FAM117B: variants seen among roughly 807,000 people sequenced by gnomAD.
FAM117B encodes the protein protein FAM117B.
A neutral mutation model predicts 52.8 loss-of-function variants in FAM117B; 22 were observed. The observed-to-expected ratio is 0.42, with a 90% CI of 0.30 to 0.59. FAM117B has a LOEUF of 0.59. Among genes scored for constraint, FAM117B ranks in the 20% least tolerant of loss-of-function variants. The pLI is 0.22. For missense variants in FAM117B, 678 were observed against 802.6 expected (o/e 0.84, Z 1.88); for synonymous variants, 309 against 324.1 (o/e 0.95, Z 0.50).
At chr2:202,694,622 A>C (rs1358994339) in intron 1 of FAM117B, among the ~76,000 whole-genome samples, 1 of 152,104 alleles carries the variant, frequency 6.6e-6, no homozygotes, top group East Asian at 1.9e-4. Flanking sequence ...TATAACTATT[A>C]TATTGGCAAA....
intron 4 of FAM117B, among the ~76,000 whole-genome samples, chr2:202,732,398 A>G (rs187172228): frequency 6.6e-6 from 1 of 152,374 alleles, no homozygotes; most frequent in East Asian, 1.9e-4. Flanking sequence ...CAAAATGTAG[A>G]AAAAACCCAA....
At chr2:202,745,596 T>G (rs1426216533) in intron 4 of FAM117B, among the ~76,000 whole-genome samples, 1 of 152,208 alleles carries the variant, frequency 6.6e-6, no homozygotes, top group Non-Finnish European at 1.5e-5. Flanking sequence ...CAGGAGTAAG[T>G]TCTTACCTAT....
intron 1 of FAM117B, among the ~76,000 whole-genome samples, chr2:202,652,738 G>A (rs1196124430): frequency 1.3e-5 from 2 of 152,100 alleles, no homozygotes; most frequent in Non-Finnish European, 2.9e-5. Context: ...GTCTACTCCT[G>A]GAAATTAATT....
chr2:202,673,200 A>T (rs1690323803), intron 1 of FAM117B, among the ~76,000 whole-genome samples: 1 of 152,070 alleles, frequency 6.6e-6, no homozygotes, highest in Non-Finnish European at 1.5e-5. Context: ...TTTGTTTTTT[A>T]ATTGTTTGCA....
chr2:202,739,668 C>G (rs953938092), intron 4 of FAM117B, among the ~76,000 whole-genome samples: 3 of 152,164 alleles, frequency 2.0e-5, no homozygotes, highest in East Asian at 1.9e-4. Flanking sequence ...TGTTGCCCAG[C>G]CTGGTCTCGA....
At chr2:202,765,120 C>A (rs1417283832) in intron 7 of FAM117B, among the ~76,000 whole-genome samples, 1 of 152,086 alleles carries the variant, frequency 6.6e-6, no homozygotes, top group East Asian at 1.9e-4. Flanking sequence ...TTCATTATTC[C>A]CTTGACCGTC....
At chr2:202,637,184 A>G (rs28368817) in intron 1 of FAM117B, among the ~76,000 whole-genome samples, 1 of 152,094 alleles carries the variant, frequency 6.6e-6, no homozygotes, top group Admixed American at 6.5e-5. Context: ...GGCATGCGCC[A>G]CTGCGCCCGG....
chr2:202,650,808 C>G (rs923608011), intron 1 of FAM117B, among the ~76,000 whole-genome samples: 1 of 152,104 alleles, frequency 6.6e-6, no homozygotes, highest in African/African-American at 2.4e-5. Context: ...TCAGCAAGTC[C>G]GCTCTTCCAA....
chr2:202,655,141 C>G (rs1484482094), intron 1 of FAM117B, among the ~76,000 whole-genome samples: 2 of 152,038 alleles, frequency 1.3e-5, no homozygotes, highest in African/African-American at 4.8e-5. Context: ...GTAGCATTTT[C>G]TAGCTTCATT....
chr2:202,725,151 T>A, intron 3 of FAM117B, 142 bp downstream of exon 3: 1 of 519,898 alleles, frequency 1.9e-6, no homozygotes, highest in Non-Finnish European at 3.4e-6. Context: ...CAAAAACAAT[T>A]ATTGTGTTGA....
At chr2:202,731,722 A>G (rs530966512) in intron 4 of FAM117B, among the ~76,000 whole-genome samples, 1 of 151,272 alleles carries the variant, frequency 6.6e-6, no homozygotes, top group East Asian at 2.0e-4. Flanking sequence ...GAGCCACTGC[A>G]CCCAGCCTAC....
At chr2:202,652,052 TAAA>T (rs1227648534) in intron 1 of FAM117B, among the ~76,000 whole-genome samples, 3 of 98,608 alleles carry the variant, frequency 3.0e-5, no homozygotes, top group African/African-American at 3.4e-5. Flanking sequence ...AAACTCTGTC[TAAA>T]AAAAAAAAAA....
intron 2 of FAM117B, among the ~76,000 whole-genome samples, chr2:202,721,765 C>T (rs1413665521): frequency 6.6e-6 from 1 of 152,018 alleles, no homozygotes; most frequent in Non-Finnish European, 1.5e-5. Flanking sequence ...TTTCAAGTAG[C>T]TAGGACTACA....
At chr2:202,744,182 G>T (rs1307076698) in intron 4 of FAM117B, among the ~76,000 whole-genome samples, 1 of 152,196 alleles carries the variant, frequency 6.6e-6, no homozygotes, top group Non-Finnish European at 1.5e-5. Flanking sequence ...TTCTGTAAAA[G>T]AATACCCAAG....
intron 4 of FAM117B, among the ~76,000 whole-genome samples, chr2:202,739,356 T>A (rs1027855892): frequency 1.9e-4 from 29 of 152,230 alleles, no homozygotes; most frequent in Admixed American, 1.2e-3. Context: ...CCTGCTTTCT[T>A]CCTTTCCTTT....
intron 1 of FAM117B, among the ~76,000 whole-genome samples, chr2:202,664,804 C>T (rs776736991): frequency 5.9e-5 from 9 of 152,036 alleles, no homozygotes; most frequent in Non-Finnish European, 8.8e-5. Context: ...GAAGGAATTA[C>T]GGGTTTCTCT....
chr2:202,684,737 A>C (rs1690514003), intron 1 of FAM117B, among the ~76,000 whole-genome samples: 1 of 152,196 alleles, frequency 6.6e-6, no homozygotes, highest in Admixed American at 6.6e-5. Flanking sequence ...AATATATATT[A>C]AATAAGATGT....
intron 4 of FAM117B, among the ~76,000 whole-genome samples, chr2:202,748,331 G>A (rs745947374): frequency 1.4e-4 from 22 of 152,008 alleles, no homozygotes; most frequent in Non-Finnish European, 2.8e-4. Flanking sequence ...AAAACTCCTG[G>A]AAGAAAACAT....
rs757843381 is a variant in FAM117B, at chr2:202,694,188, C to CTTTTTTTTTTTTTTTTTTTTTTTT, written c.602-1672_602-1671insTTTTTTTTTTTTTTTTTTTTTTTT. On this transcript the variant is annotated intron_variant, in intron 1 of 7. Coordinates refer to ENST00000392238, the MANE Select transcript of FAM117B (RefSeq NM_173511.4). The stretch of plus-strand genomic sequence containing the variant: ...GAAGATGTTATTGCAAAACCCACTT[C>CTTTTTTTTTTTTTTTTTTTTTTTT]TTTTTTTTTTTTTTTTTTTTTGAGA... 2.5e-4 allele frequency among the ~76,000 whole-genome samples: 25 copies of CTTTTTTTTTTTTTTTTTTTTTTTT among 99,066 alleles called. 2 individuals carry two copies. Among genetic ancestry groups the CTTTTTTTTTTTTTTTTTTTTTTTT allele is most frequent in the African/African-American group, 1.0e-3 (24 of 22,870 alleles). 65.0% of individuals were successfully genotyped at this position (99,066 alleles called of 152,430 possible). A position where few individuals can be genotyped will look rare whatever the true frequency, so the allele number is the denominator to read the frequency against.
Sources: gnomAD v4.1 joint callset for allele counts (sites outside exome capture counted in the v4.1 genomes callset) on GRCh38, gnomAD v4.1.1 for gene constraint, MANE v1.5 for transcripts, NCBI Gene and HGNC (gene_info 2026-07-23, HGNC 2026-07-21) for gene names.